DLGAP2: variants seen among roughly 807,000 people sequenced by gnomAD.
DLGAP2 encodes DLG associated protein 2.
Under a neutral mutation model 100.3 loss-of-function variants are expected in DLGAP2, and 26 were observed. The ratio of observed to expected loss-of-function variants is 0.26; its 90% confidence interval spans 0.19 to 0.36. DLGAP2 has a LOEUF of 0.36. DLGAP2 is among the 10% of genes least tolerant of loss of function. The pLI, the probability that DLGAP2 is intolerant of heterozygous loss-of-function variation, is 1.00. For missense variants in DLGAP2, 1,858 were observed against 1,453.2 expected (o/e 1.28, Z -4.53); for synonymous variants, 886 against 630.1 (o/e 1.41, Z -6.08).
chr8:1,500,949 A>T (rs1799700354), intron 3 of DLGAP2, among the ~76,000 whole-genome samples: 1 of 152,234 alleles, frequency 6.6e-6, no homozygotes, highest in African/African-American at 2.4e-5. Context: ...GACCGGAAGG[A>T]AAGTCTTTCT....
At chr8:1,084,747 C>T (rs1462890050) in intron 2 of DLGAP2, among the ~76,000 whole-genome samples, 1 of 152,302 alleles carries the variant, frequency 6.6e-6, no homozygotes, top group South Asian at 2.1e-4. Flanking sequence ...CCATTGTGTG[C>T]GTACACCACA....
intron 1 of DLGAP2, among the ~76,000 whole-genome samples, chr8:822,782 G>A (rs1022728797): frequency 2.6e-5 from 4 of 152,146 alleles, no homozygotes; most frequent in Admixed American, 6.5e-5. Flanking sequence ...CACAGCCTTC[G>A]GACAACAGCA....
chr8:900,267 C>T (rs1417260384), intron 1 of DLGAP2, among the ~76,000 whole-genome samples: 2 of 143,948 alleles, frequency 1.4e-5, no homozygotes, highest in African/African-American at 2.6e-5. Context: ...GGACGGTCGG[C>T]GCCATCCTGT....
chr8:983,395 G>A (rs531844333), intron 2 of DLGAP2, among the ~76,000 whole-genome samples: 1 of 151,244 alleles, frequency 6.6e-6, no homozygotes, highest in Admixed American at 6.6e-5. Flanking sequence ...ACAGGTCGTC[G>A]AGATGTTCTT....
chr8:1,257,617 C>A (rs78453261), intron 2 of DLGAP2, among the ~76,000 whole-genome samples: 1 of 152,210 alleles, frequency 6.6e-6, no homozygotes, highest in Non-Finnish European at 1.5e-5. Flanking sequence ...CGGGCTGTCA[C>A]GCTGGATGGC....
chr8:1,645,802 C>T (rs1206387083), intron 8 of DLGAP2, among the ~76,000 whole-genome samples: 1 of 152,180 alleles, frequency 6.6e-6, no homozygotes, highest in Non-Finnish European at 1.5e-5. Flanking sequence ...AACAAAATTG[C>T]TTCCTGATAG....
intron 3 of DLGAP2, among the ~76,000 whole-genome samples, chr8:1,302,907 T>G (rs913650173): frequency 2.6e-5 from 4 of 151,928 alleles, no homozygotes; most frequent in Admixed American, 6.6e-5. Flanking sequence ...GTAACTCGCC[T>G]CCTTCTGCCG....
intron 3 of DLGAP2, among the ~76,000 whole-genome samples, chr8:1,438,201 C>T (rs1056360672): frequency 3.3e-5 from 5 of 152,072 alleles, no homozygotes; most frequent in Non-Finnish European, 7.4e-5. Flanking sequence ...CCACCTGGTT[C>T]TTTTAAAATG....
At chr8:1,079,066 A>G (rs1373978460) in intron 2 of DLGAP2, among the ~76,000 whole-genome samples, 1 of 152,194 alleles carries the variant, frequency 6.6e-6, no homozygotes, top group Non-Finnish European at 1.5e-5. Flanking sequence ...CCAGCGTTTC[A>G]TGCTGTCAGG....
At position 974,920 on chromosome 8, in the gene DLGAP2, A is replaced by C. The variant is rs372432231; in HGVS notation, c.73+66954A>C. 6.5e-4 allele frequency among the ~76,000 whole-genome samples: 99 copies of C among 152,282 alleles called. 1 individual carries two copies. In the South Asian group the frequency reaches 0.018, roughly 28 times the overall value. The stretch of plus-strand genomic sequence containing the variant: ...GAGAAAAGAAATCAATGAAACTGAA[A>C]ATAAGATATTGGTATAGAAACTTAA... On this transcript the variant is annotated intron_variant, in intron 2 of 14. Transcript: ENST00000637795.
At position 1,155,659 on chromosome 8, in the gene DLGAP2, ACCCCCAGGCCCCTCCGAGG is replaced by A. The variant is rs749180779; in HGVS notation, c.74-103171_74-103153del. Among the ~76,000 whole-genome samples the A allele has an allele frequency of 1.3e-3, 200 of 151,304 alleles. 1 individual carries two copies. The highest frequency in any genetic ancestry group is 2.8e-3 in the African/African-American group (115 of 41,158). ...GGGCGCGGTCTTTCCGGACTCCGAGACCCCCAGGCCCCTCCGAGGCCCCCAGGCCCCTCCGAGGCTTCCC... is the reference window on the plus strand; with the variant it reads ...GGGCGCGGTCTTTCCGGACTCCGAGACCCCCAGGCCCCTCCGAGGCTTCCC... On this transcript the variant is annotated intron_variant, in intron 2 of 14. Coordinates refer to ENST00000637795, the MANE Select transcript of DLGAP2 (RefSeq NM_001346810.2).
intron 3 of DLGAP2, among the ~76,000 whole-genome samples, chr8:1,412,877 C>T (rs976921823): frequency 1.3e-4 from 20 of 152,142 alleles, no homozygotes; most frequent in Non-Finnish European, 2.5e-4. Context: ...CAGTGCCTCT[C>T]GCATGCTATT....
chr8:1,033,485 G>A (rs992076836), intron 2 of DLGAP2, among the ~76,000 whole-genome samples: 23 of 152,276 alleles, frequency 1.5e-4, no homozygotes, highest in African/African-American at 5.3e-4. Flanking sequence ...TGGGCAACAT[G>A]GCAAAACCCT....
intron 1 of DLGAP2, among the ~76,000 whole-genome samples, chr8:744,383 C>G (rs1442082419): frequency 5.9e-5 from 9 of 152,218 alleles, no homozygotes; most frequent in Admixed American, 5.9e-4. Flanking sequence ...AACCCTGGCC[C>G]TGGGTCGCAT....
At chr8:988,784 G>T (rs767027734) in intron 2 of DLGAP2, among the ~76,000 whole-genome samples, 5 of 152,060 alleles carry the variant, frequency 3.3e-5, no homozygotes, top group Non-Finnish European at 5.9e-5. Context: ...CGGGGACCTG[G>T]TGAGTGCATG....
chr8:1,165,779 T>A (rs532394070), intron 2 of DLGAP2, among the ~76,000 whole-genome samples: 1 of 152,342 alleles, frequency 6.6e-6, no homozygotes, highest in African/African-American at 2.4e-5. Context: ...TTACAGTTTG[T>A]ATCTCCTCCT....
chr8:1,336,757 C>A (rs1465369805), intron 3 of DLGAP2, among the ~76,000 whole-genome samples: 2 of 152,212 alleles, frequency 1.3e-5, no homozygotes, highest in African/African-American at 4.8e-5. Context: ...CTAGTGAAAG[C>A]AGTGGGCTCC....
intron 3 of DLGAP2, among the ~76,000 whole-genome samples, chr8:1,287,658 G>A (rs1316973543): frequency 5.9e-5 from 6 of 101,872 alleles, no homozygotes; most frequent in South Asian, 6.9e-4. Context: ...GTGTGTGTGT[G>A]TATGGTTCTG....
intron 1 of DLGAP2, among the ~76,000 whole-genome samples, chr8:820,672 T>C (rs564745385): frequency 6.6e-6 from 1 of 152,328 alleles, no homozygotes; most frequent in African/African-American, 2.4e-5. Context: ...AATGTTTTAG[T>C]AGCATTTTGG....
Sources: gnomAD v4.1 joint callset for allele counts (sites outside exome capture counted in the v4.1 genomes callset) on GRCh38, gnomAD v4.1.1 for gene constraint, MANE v1.5 for transcripts, NCBI Gene and HGNC (gene_info 2026-07-23, HGNC 2026-07-21) for gene names.